Variants in INTS3 observed in about 807,000 individuals in gnomAD.
INTS3 encodes SOSS complex subunit A.
Under a neutral mutation model 146.3 loss-of-function variants are expected in INTS3, and 34 were observed. The ratio of observed to expected loss-of-function variants is 0.23; its 90% CI spans 0.18 to 0.31. The LOEUF (loss-of-function observed/expected upper bound fraction) is 0.31. INTS3 is among the 10% of genes least tolerant of loss of function. The pLI is 1.00. For synonymous variants in INTS3, 475 were observed against 494.9 expected (o/e 0.96, Z 0.53); for missense variants, 757 against 1,304.2 (o/e 0.58, Z 6.46).
Position 153,752,252 on chromosome 1 carries a change from G to A in INTS3, c.730-27G>A, listed in dbSNP as rs74115709. On this transcript the variant is annotated intron_variant, in intron 7 of 29. Coordinates refer to ENST00000318967, the MANE Select transcript of INTS3 (RefSeq NM_023015.5). Reference sequence around the variant, plus strand: ...AATCCATGTTTTTATTCTCTTTCCTGTCCCCCACTTCCTCTTCCCTATCAA... The same window carrying A: ...AATCCATGTTTTTATTCTCTTTCCTATCCCCCACTTCCTCTTCCCTATCAA... The A allele has an allele frequency of 2.6e-3, 4,202 of 1,609,206 alleles. 123 individuals are homozygous for A. The African/African-American group carries it at 0.052, about 20-fold the overall frequency.
Position 153,772,778 on chromosome 1 carries a change from C to T in INTS3, c.2894+67C>T, listed in dbSNP as rs1470342887. The T allele has an allele frequency of 1.8e-5, 28 of 1,589,386 alleles. No individual in the cohort carries two copies. The South Asian group carries it at 3.1e-4, about 18-fold the overall frequency. On this transcript the variant is annotated intron_variant, in intron 28 of 29. Coordinates refer to ENST00000318967, the MANE Select transcript of INTS3 (RefSeq NM_023015.5). This position sits in a 1 kb window ranked among gnomAD's most constrained non-coding sequence, Gnocchi z 4.6. ...AAAAGCCTAAGGGAGAGGAAGCCTG[C>T]TAGGGACATAAACGTAATGGCCAGC...
At chr1:153,761,064 T>G (rs1672365738) in intron 13 of INTS3, 146 bp downstream of exon 13, 3 of 1,452,798 alleles carry the variant, frequency 2.1e-6, no homozygotes, top group South Asian at 1.5e-5. Flanking sequence ...GGCATATGTC[T>G]TCTTGGCTCT....
At position 153,728,386 on chromosome 1, in the gene INTS3, T is replaced by C. The variant is rs566240550; in HGVS notation, c.-249T>C. The C allele has an allele frequency of 2.3e-4, 113 of 489,596 alleles. No individual in the cohort carries two copies. The highest frequency in any genetic ancestry group is 2.2e-3 in the African/African-American group (106 of 49,300). 30.3% of individuals were successfully genotyped at this position (489,596 alleles called of 1,614,324 possible). A position where few individuals can be genotyped will look rare whatever the true frequency, so the allele number is the denominator to read the frequency against. On this transcript the variant is annotated 5_prime_UTR_variant, in exon 1 of 30. Transcript: ENST00000318967. ...AGGGACACAGGCCTTTACCCCACTG[T>C]ACTTCGGAGCCAACGCCTTTCCCTC... is the stretch of plus-strand genomic sequence containing the variant.
chr1:153,772,685 G>A lies in INTS3; in HGVS notation c.2868G>A (p.Ala956=), dbSNP rs368009973. The A allele has an allele frequency of 8.7e-6, 14 of 1,614,090 alleles. No homozygotes were observed. Among genetic ancestry groups the A allele is most frequent in the Middle Eastern group, 1.7e-4 (1 of 6,060 alleles). ...PILQALQHVQ[A]SCDEAHKMKF... ...TCCAGGCGCTGCAGCATGTCCAAGC[G>A]AGCTGTGACGAAGCCCACAAGATGA... Residue 956 remains alanine (A), a synonymous_variant, in exon 28 of 30, where the codon GCG becomes GCA. Transcript: ENST00000318967. The surrounding 1 kb of genome is among the most constrained non-coding windows in gnomAD (Gnocchi z 4.6).
chr1:153,756,493 T>A (rs891134554), intron 9 of INTS3, among the ~76,000 whole-genome samples: 9 of 146,188 alleles, frequency 6.2e-5, no homozygotes, highest in African/African-American at 2.3e-4. Context: ...CAAGCAATCC[T>A]CCCATCAATG....
In INTS3 at chr1:153,754,925, T is replaced by C. The variant is rs554846575; in HGVS notation, c.957+186T>C. Among the ~76,000 whole-genome samples, 10 of 152,344 alleles carry C rather than the reference T, an allele frequency of 6.6e-5. No homozygotes were observed. In the South Asian group the frequency reaches 1.9e-3, roughly 28 times the overall value. ...TGTGCCTACATATTGAGCATGGTGC[T>C]AAGGATTGGGGGTACACTGTCGAAT... is the stretch of plus-strand genomic sequence containing the variant. On this transcript the variant is annotated intron_variant, in intron 9 of 29. Transcript: ENST00000318967.
chr1:153,759,705 C>T (rs1209559308), intron 11 of INTS3, 92 bp downstream of exon 11: 14 of 818,272 alleles, frequency 1.7e-5, no homozygotes, highest in Admixed American at 3.9e-5. Context: ...CTCAGGGCAC[C>T]GTGGAGTGGA....
At chr1:153,740,048 C>T (rs1036200179) in intron 1 of INTS3, among the ~76,000 whole-genome samples, 1 of 151,406 alleles carries the variant, frequency 6.6e-6, no homozygotes, top group Non-Finnish European at 1.5e-5. Context: ...ATCCACCTGC[C>T]TCGGCCTCCC....
At chr1:153,764,398 G>A (rs986739233) in intron 18 of INTS3, among the ~76,000 whole-genome samples, 177 bp downstream of exon 18, 9 of 152,178 alleles carry the variant, frequency 5.9e-5, no homozygotes, top group Admixed American at 3.9e-4. Flanking sequence ...AACACCGTGC[G>A]TACTGGGGAG....
intron 3 of INTS3, among the ~76,000 whole-genome samples, chr1:153,744,081 G>T (rs1671640209): frequency 7.7e-6 from 1 of 130,598 alleles, no homozygotes; most frequent in Non-Finnish European, 1.6e-5. Context: ...GTGTGTGTGT[G>T]TTTCATCTGC....
At chr1:153,764,594 G>T (rs1208255869) in intron 18 of INTS3, 96 bp from the exon 19 acceptor site, 1 of 927,432 alleles carries the variant, frequency 1.1e-6, no homozygotes, top group Non-Finnish European at 1.8e-6. Flanking sequence ...TTTTGGGTAG[G>T]GAAGGAGCAG....
intron 20 of INTS3, 167 bp from the exon 21 acceptor site, chr1:153,767,507 C>T (rs1026109404): frequency 8.9e-6 from 5 of 564,120 alleles, no homozygotes; most frequent in African/African-American, 3.9e-5. Context: ...CCCTGGTTCC[C>T]CTGAGTTATC....
At chr1:153,746,562 G>A (rs150918957) in intron 3 of INTS3, among the ~76,000 whole-genome samples, 2,723 of 152,220 alleles carry the variant, frequency 0.018, 85 homozygotes, top group African/African-American at 0.063. Flanking sequence ...CACCGTGCCC[G>A]GCTAATTTTT....
intron 20 of INTS3, 29 bp downstream of exon 20, chr1:153,765,092 T>C (rs1672526507): frequency 6.2e-7 from 1 of 1,613,248 alleles, no homozygotes; most frequent in East Asian, 2.2e-5. Context: ...TTTCAAATGG[T>C]GTCAGGACAC....
At chr1:153,732,104 T>C (rs1411939678) in intron 1 of INTS3, among the ~76,000 whole-genome samples, 1 of 151,872 alleles carries the variant, frequency 6.6e-6, no homozygotes, top group Non-Finnish European at 1.5e-5. Context: ...GGTTTCACCA[T>C]GTTGGCCAGG....
chr1:153,760,523 C>G (rs749212776), intron 12 of INTS3, 133 bp downstream of exon 12: 12 of 711,774 alleles, frequency 1.7e-5, no homozygotes, highest in East Asian at 2.7e-5. Context: ...GTCCTATCCC[C>G]CAAGTTAATA....
In INTS3 at chr1:153,772,533, G is replaced by A. The variant is rs751557489; in HGVS notation, c.2821+93G>A. On this transcript the variant is annotated intron_variant, in intron 27 of 29. Coordinates refer to ENST00000318967, the MANE Select transcript of INTS3 (RefSeq NM_023015.5). The surrounding 1 kb of genome is among the most constrained non-coding windows in gnomAD (Gnocchi z 4.6). ...GGCTGGGGGCAGGGGCAGGACACCCGGGGCCACAACCCACACTCGGGATAA... is the reference window on the plus strand; with the variant it reads ...GGCTGGGGGCAGGGGCAGGACACCCAGGGCCACAACCCACACTCGGGATAA... 131 of 1,611,124 alleles carry A rather than the reference G, an allele frequency of 8.1e-5. No homozygotes were observed. The highest frequency in any genetic ancestry group is 1.6e-4 in the Middle Eastern group (1 of 6,082).
chr1:153,740,697 T>A lies in INTS3; in HGVS notation c.197T>A (p.Val66Asp). Residue 66 changes from valine to aspartate, a missense_variant, in exon 2 of 30, where the codon GTC becomes GAC. Coordinates refer to ENST00000318967, the MANE Select transcript of INTS3 (RefSeq NM_023015.5). ...MSIVTSMTAGVSEREANDALN... is the reference protein window; with the variant it reads ...MSIVTSMTAGDSEREANDALN... ...ATTGTGACATCGATGACTGCTGGTGTCTCGGAGAGAGAAGCCAATGATGCC... is the reference window on the plus strand; with the variant it reads ...ATTGTGACATCGATGACTGCTGGTGACTCGGAGAGAGAAGCCAATGATGCC... The A allele has an allele frequency of 6.2e-7, 1 of 1,614,124 alleles. No homozygotes were observed. Among genetic ancestry groups the A allele is most frequent in the Non-Finnish European group, 8.5e-7 (1 of 1,179,988 alleles).
At position 153,741,337 on chromosome 1, in the gene INTS3, T is replaced by A; in HGVS notation, c.287T>A (p.Leu96His). ...HEEICLGLFT[L>H]ILTEPAQAQK... The stretch of plus-strand genomic sequence containing the variant: ...GAAATCTGCCTGGGCCTGTTTACTC[T>A]CATCCTCACTGAACCTGCCCAAGCC... Residue 96 changes from leucine (L) to histidine (H), a missense_variant, in exon 3 of 30, where the codon CTC (leucine) becomes CAC (histidine). By Grantham distance (99) the Leu-to-His change is moderately conservative (BLOSUM62 -3). Around this residue, in one of 8 missense-constraint regions of INTS3, gnomAD observed 160 missense variants for 193.7 expected, o/e 0.83. Transcript: ENST00000318967. 1 of 1,614,118 alleles carries A rather than the reference T, an allele frequency of 6.2e-7. No homozygotes were observed. Among genetic ancestry groups the A allele is most frequent in the South Asian group, 1.1e-5 (1 of 91,082 alleles).
Sources: gnomAD v4.1 joint callset for allele counts (sites outside exome capture counted in the v4.1 genomes callset) on GRCh38, gnomAD v4.1.1 for gene constraint, gnomAD v4.1.1 regional missense constraint, Gnocchi (gnomAD v3.1) non-coding constraint, MANE v1.5 for transcripts, NCBI Gene and HGNC (gene_info 2026-07-23, HGNC 2026-07-21) for gene names.